Variants in SLC35F1 observed in about 807,000 individuals in gnomAD.
The protein encoded by SLC35F1 is solute carrier family 35 member F1.
SLC35F1 carries 14 observed loss-of-function variants against 48.7 expected under a neutral mutation model. The observed-to-expected ratio is 0.29, with a 90% CI of 0.19 to 0.45. The LOEUF is 0.45. Ranked by LOEUF, SLC35F1 falls within the 20% of genes least tolerant of loss-of-function variation. The pLI is 1.00. For missense variants in SLC35F1, 404 were observed against 500.0 expected (o/e 0.81, Z 1.83); for synonymous variants, 190 against 202.2 (o/e 0.94, Z 0.51).
intron 3 of SLC35F1, among the ~76,000 whole-genome samples, chr6:118,237,851 C>A (rs1775385581): frequency 3.9e-5 from 6 of 152,078 alleles, no homozygotes; most frequent in Admixed American, 3.9e-4. Flanking sequence ...GGTGAATTTA[C>A]CACAAATGTA....
At chr6:117,921,515 T>TA (rs1775899122) in intron 1 of SLC35F1, among the ~76,000 whole-genome samples, 1 of 152,246 alleles carries the variant, frequency 6.6e-6, no homozygotes, top group African/African-American at 2.4e-5. Context: ...CTATTTTATA[T>TA]AAAAAATTTC....
chr6:117,953,939 A>C (rs1306343905), intron 1 of SLC35F1, among the ~76,000 whole-genome samples: 1 of 152,334 alleles, frequency 6.6e-6, no homozygotes, highest in East Asian at 1.9e-4. Flanking sequence ...CACCCAGGGC[A>C]TGTGGTCAAT....
chr6:117,954,595 A>G (rs955647172), intron 1 of SLC35F1, among the ~76,000 whole-genome samples: 1 of 152,194 alleles, frequency 6.6e-6, no homozygotes, highest in African/African-American at 2.4e-5. Context: ...AGATAATGCT[A>G]CTTAATCTAG....
chr6:117,983,576 C>T (rs1219880863), intron 1 of SLC35F1, among the ~76,000 whole-genome samples: 3 of 151,372 alleles, frequency 2.0e-5, no homozygotes, highest in Admixed American at 1.3e-4. Flanking sequence ...GACGCAGTGT[C>T]GAAAAAGAAA....
At chr6:118,263,341 C>A (rs144708239) in intron 3 of SLC35F1, among the ~76,000 whole-genome samples, 146 of 152,276 alleles carry the variant, frequency 9.6e-4, no homozygotes, top group African/African-American at 3.3e-3. Context: ...CAGGTGTGAG[C>A]CACTGTGCCC....
chr6:118,311,069 A>C (rs1776366565), intron 7 of SLC35F1, among the ~76,000 whole-genome samples: 1 of 152,160 alleles, frequency 6.6e-6, no homozygotes, highest in Non-Finnish European at 1.5e-5. Context: ...AGTTTATGAC[A>C]TCTCCAATGC....
rs749385098 is a variant in SLC35F1 at position 118,285,242 on chromosome 6, C to A, written c.906C>A (p.Val302=). The A allele has an allele frequency of 3.7e-6, 6 of 1,613,866 alleles. No individual in the cohort carries two copies. In the South Asian group the frequency reaches 6.6e-5, roughly 18 times the overall value. Residue 302 remains valine (V), a synonymous_variant, in exon 7 of 8, where the codon GTC becomes GTA. Transcript: ENST00000360388. ...TTGGTCTCTACAGCTTTATGCCAGTCGTCATAAAGAAAACCAGTGCCACTT... is the reference window on the plus strand; with the variant it reads ...TTGGTCTCTACAGCTTTATGCCAGTAGTCATAAAGAAAACCAGTGCCACTT... ...CMFGLYSFMP[V]VIKKTSATSV... is the part of the protein sequence containing the mutation.
chr6:117,923,608 CAT>C (rs1338477804), intron 1 of SLC35F1, among the ~76,000 whole-genome samples: 1 of 26,076 alleles, frequency 3.8e-5, no homozygotes, highest in African/African-American at 2.1e-4. Context: ...TGTATATATA[CAT>C]ATACATATGT....
intron 1 of SLC35F1, chr6:117,999,284 C>A (rs576944737): frequency 1.5e-5 from 24 of 1,596,172 alleles, no homozygotes; most frequent in South Asian, 5.5e-5. Context: ...CCACCCCAAG[C>A]TTGGGAAGCG....
chr6:118,187,575 GC>G, intron 2 of SLC35F1, among the ~76,000 whole-genome samples: 1 of 152,152 alleles, frequency 6.6e-6, no homozygotes, highest in East Asian at 1.9e-4. Context: ...GTTATCCAGC[GC>G]GTGGGTGGCT....
chr6:118,085,463 T>A (rs974770019), intron 1 of SLC35F1, among the ~76,000 whole-genome samples: 3 of 150,984 alleles, frequency 2.0e-5, no homozygotes, highest in African/African-American at 4.9e-5. Flanking sequence ...AGCCTATAGT[T>A]TTCTCTTTTT....
At chr6:118,238,232 C>T (rs1775390964) in intron 3 of SLC35F1, among the ~76,000 whole-genome samples, 1 of 152,012 alleles carries the variant, frequency 6.6e-6, no homozygotes, top group South Asian at 2.1e-4. Context: ...TTTCAAGGAC[C>T]TCTGTACCTT....
chr6:118,109,549 T>C (rs1447060687), intron 1 of SLC35F1, among the ~76,000 whole-genome samples: 1 of 152,170 alleles, frequency 6.6e-6, no homozygotes, highest in Admixed American at 6.6e-5. Context: ...TATGAGTTTA[T>C]GTTATGCTCA....
At chr6:118,130,488 GAACA>G (rs958377936) in intron 1 of SLC35F1, among the ~76,000 whole-genome samples, 62 of 151,906 alleles carry the variant, frequency 4.1e-4, no homozygotes, top group African/African-American at 1.3e-3. Context: ...CAAAACAAAC[GAACA>G]AACAAACAAC....
chr6:118,086,606 T>C (rs772535699), intron 1 of SLC35F1, among the ~76,000 whole-genome samples: 2 of 152,230 alleles, frequency 1.3e-5, no homozygotes, highest in Non-Finnish European at 2.9e-5. Context: ...AACATTAGAA[T>C]GTCTTTGCAG....
At chr6:118,242,332 T>C (rs1266694947) in intron 3 of SLC35F1, among the ~76,000 whole-genome samples, 1 of 152,110 alleles carries the variant, frequency 6.6e-6, no homozygotes, top group Non-Finnish European at 1.5e-5. Context: ...TAATGTTGAA[T>C]ATCTTTTGAG....
At chr6:118,079,587 A>C (rs1461424978) in intron 1 of SLC35F1, among the ~76,000 whole-genome samples, 1 of 152,146 alleles carries the variant, frequency 6.6e-6, no homozygotes, top group Non-Finnish European at 1.5e-5. Flanking sequence ...TTAGAGACCT[A>C]AGAACTTGTG....
At chr6:117,918,808 AT>A (rs1775860387) in intron 1 of SLC35F1, among the ~76,000 whole-genome samples, 2 of 152,252 alleles carry the variant, frequency 1.3e-5, no homozygotes, top group South Asian at 4.2e-4. Context: ...GGCAGTGCAT[AT>A]TTGAGGGGGC....
At chr6:118,008,998 C>G (rs1777210569) in intron 1 of SLC35F1, among the ~76,000 whole-genome samples, 1 of 152,056 alleles carries the variant, frequency 6.6e-6, no homozygotes. Context: ...TAGTTACAGC[C>G]CTTAGAAATA....
Sources: allele counts gnomAD v4.1 joint callset (sites outside exome capture counted in the v4.1 genomes callset), GRCh38; gene constraint gnomAD v4.1.1; transcripts MANE v1.5; gene names NCBI Gene and HGNC (gene_info 2026-07-23, HGNC 2026-07-21).